Variants in CFDP1 observed in about 807,000 individuals in gnomAD.
The protein encoded by CFDP1 is chromatin remodeling protein CFDP1, also known as heterochromatin-stabilizing protein CFDP1.
In CFDP1, 31 loss-of-function variants were observed where a neutral mutation model predicts 40.1. The ratio of observed to expected loss-of-function variants is 0.77; its 90% confidence interval spans 0.58 to 1.04. The LOEUF (loss-of-function observed/expected upper bound fraction) is 1.04. CFDP1 is among the 50% of genes least tolerant of loss of function. CFDP1 has a pLI of 0.00. For missense variants in CFDP1, 423 were observed against 343.4 expected, an observed-to-expected ratio of 1.23 and a Z score of -1.83; for synonymous variants, 167 against 120.0, an observed-to-expected ratio of 1.39 and a Z score of -2.56.
intron 6 of CFDP1, among the ~76,000 whole-genome samples, chr16:75,303,390 TAA>T (rs1402985515): frequency 1.2e-4 from 16 of 132,162 alleles, no homozygotes; most frequent in African/African-American, 4.1e-4. Flanking sequence ...AATAAATAAA[TAA>T]ATAAATAAAT....
chr16:75,382,944 C>T (rs2078864139), intron 5 of CFDP1, among the ~76,000 whole-genome samples: 1 of 152,200 alleles, frequency 6.6e-6, no homozygotes, highest in African/African-American at 2.4e-5. Context: ...TTTTCCTACA[C>T]ATTCTCAAAT....
chr16:75,368,448 T>G (rs2078731496), intron 5 of CFDP1, among the ~76,000 whole-genome samples: 1 of 152,196 alleles, frequency 6.6e-6, no homozygotes. Context: ...ATTGGTTACA[T>G]GCACATGGAG....
intron 5 of CFDP1, among the ~76,000 whole-genome samples, chr16:75,365,822 G>T (rs552146501): frequency 5.9e-4 from 90 of 152,282 alleles, no homozygotes; most frequent in African/African-American, 2.0e-3. Context: ...AGGCATTAAA[G>T]GAATGCAAAT....
chr16:75,343,196 T>C (rs2078538420), intron 5 of CFDP1, among the ~76,000 whole-genome samples: 1 of 152,204 alleles, frequency 6.6e-6, no homozygotes, highest in African/African-American at 2.4e-5. Flanking sequence ...TGCAAGGCTC[T>C]ACTACATGAC....
intron 5 of CFDP1, chr16:75,394,657 G>GTTTTTTTTTTTTTTTT (rs1567670026): frequency 1.7e-5 from 1 of 58,568 alleles, no homozygotes; most frequent in Non-Finnish European, 4.1e-5. Flanking sequence ...AATTTTCTTC[G>GTTTTTTTTTTTTTTTT]CTTTTTTTTT....
rs144476455 is a variant in CFDP1 at position 75,377,119 on chromosome 16, C to T, written c.650+17971G>A. On this transcript the variant is annotated intron_variant, in intron 5 of 6. Coordinates refer to ENST00000283882, the MANE Select transcript of CFDP1 (RefSeq NM_006324.3). Reference sequence around the variant, plus strand: ...AGCCAAGACCCTCCAGGGCTAAGCCCCAACTGGGGGCTTGGCTGTGCCCTG... The same window carrying T: ...AGCCAAGACCCTCCAGGGCTAAGCCTCAACTGGGGGCTTGGCTGTGCCCTG... Among the ~76,000 whole-genome samples, 5 of 151,528 alleles carry T rather than the reference C, an allele frequency of 3.3e-5. No individual in the cohort carries two copies. The East Asian group carries it at 9.6e-4, about 29-fold the overall frequency.
rs55961935 is a variant in CFDP1 at position 75,432,370 on chromosome 16, T to TAA, written c.64+917_64+918dup. Among the ~76,000 whole-genome samples, 949 of 105,548 alleles carry TAA rather than the reference T, an allele frequency of 9.0e-3. 16 individuals are homozygous for TAA. The highest frequency in any genetic ancestry group is 0.023 in the African/African-American group (632 of 27,934). 69.2% of individuals were successfully genotyped at this position (105,548 alleles called of 152,430 possible). A position where few individuals can be genotyped will look rare whatever the true frequency, so the allele number is the denominator to read the frequency against. ...GGGCAACATAGCAAGATGCCATTTC[T>TAA]AAAAAAAAAAAAAAAAAAAAAAATT... On this transcript the variant is annotated intron_variant, in intron 1 of 6. Transcript: ENST00000283882.
chr16:75,363,372 A>C (rs2078692441), intron 5 of CFDP1, among the ~76,000 whole-genome samples: 1 of 151,616 alleles, frequency 6.6e-6, no homozygotes. Flanking sequence ...GAGGAATGAG[A>C]ACAAATGCAG....
intron 5 of CFDP1, among the ~76,000 whole-genome samples, chr16:75,350,594 C>T (rs1043827507): frequency 2.0e-5 from 3 of 152,070 alleles, no homozygotes; most frequent in Non-Finnish European, 4.4e-5. Flanking sequence ...CCTTAAATTA[C>T]GTTGAAATCC....
intron 1 of CFDP1, among the ~76,000 whole-genome samples, chr16:75,425,838 C>T (rs2079335693): frequency 6.7e-6 from 1 of 149,870 alleles, no homozygotes; most frequent in Admixed American, 6.7e-5. Context: ...GAGTTCAAGA[C>T]CAGCCTGGCC....
At chr16:75,323,695 C>T (rs1160181892) in intron 5 of CFDP1, among the ~76,000 whole-genome samples, 1 of 151,098 alleles carries the variant, frequency 6.6e-6, no homozygotes, top group Admixed American at 6.6e-5. Flanking sequence ...AGGAGAACTG[C>T]TTGAATCCAG....
At chr16:75,371,640 T>C (rs889374509) in intron 5 of CFDP1, among the ~76,000 whole-genome samples, 1 of 152,228 alleles carries the variant, frequency 6.6e-6, no homozygotes, top group Non-Finnish European at 1.5e-5. Context: ...CTAACATTCA[T>C]AGGAAGAATC....
chr16:75,349,969 G>A (rs535596903), intron 5 of CFDP1, among the ~76,000 whole-genome samples: 1 of 151,956 alleles, frequency 6.6e-6, no homozygotes, highest in Admixed American at 6.6e-5. Context: ...TATCTTAGGA[G>A]AAAAGCATTC....
intron 5 of CFDP1, among the ~76,000 whole-genome samples, chr16:75,385,176 C>G (rs1045654365): frequency 1.3e-5 from 2 of 151,732 alleles, no homozygotes; most frequent in African/African-American, 4.8e-5. Context: ...ATTCTTGATT[C>G]AAAGATATTA....
At chr16:75,413,282 G>A (rs993068445) in intron 2 of CFDP1, among the ~76,000 whole-genome samples, 2 of 152,104 alleles carry the variant, frequency 1.3e-5, no homozygotes, top group African/African-American at 2.4e-5. Flanking sequence ...AAAAATTCAA[G>A]GACAGGCCAG....
chr16:75,313,457 T>C (rs778612001), intron 5 of CFDP1, among the ~76,000 whole-genome samples: 15 of 152,156 alleles, frequency 9.9e-5, no homozygotes, highest in Non-Finnish European at 1.5e-4. Flanking sequence ...AGCCTCCTGA[T>C]AGCTGGGATT....
chr16:75,334,681 G>C (rs531235770), intron 5 of CFDP1, among the ~76,000 whole-genome samples: 2 of 152,262 alleles, frequency 1.3e-5, no homozygotes, highest in African/African-American at 4.8e-5. Context: ...GAAGCCAGGT[G>C]CAGTGGCTCA....
intron 5 of CFDP1, among the ~76,000 whole-genome samples, chr16:75,392,825 C>G (rs1448336237): frequency 6.6e-6 from 1 of 152,214 alleles, no homozygotes; most frequent in East Asian, 1.9e-4. Context: ...AGGGCCAGGT[C>G]TGTAGAATTT....
At chr16:75,402,148 A>G (rs1341536357) in intron 4 of CFDP1, among the ~76,000 whole-genome samples, 1 of 152,164 alleles carries the variant, frequency 6.6e-6, no homozygotes, top group Non-Finnish European at 1.5e-5. Flanking sequence ...AACAAGCAAT[A>G]AGGGATTCAA....
Sources: allele counts gnomAD v4.1 joint callset (sites outside exome capture counted in the v4.1 genomes callset), GRCh38; gene constraint gnomAD v4.1.1; transcripts MANE v1.5; gene names NCBI Gene and HGNC (gene_info 2026-07-23, HGNC 2026-07-21).